The following FGF7 variants were observed in gnomAD, a reference collection of about 807,000 sequenced individuals.
The protein encoded by FGF7 is FGF-7.
FGF7 carries 6 observed loss-of-function variants against 20.5 expected under a neutral mutation model. The ratio of observed to expected loss-of-function variants is 0.29; its 90% CI spans 0.16 to 0.58. FGF7 has a LOEUF of 0.58. FGF7 is among the 20% of genes least tolerant of loss of function. The pLI is 0.90. For missense variants in FGF7, 144 were observed against 228.8 expected, an observed-to-expected ratio of 0.63 and a Z score of 2.39; for synonymous variants, 64 against 74.7, an observed-to-expected ratio of 0.86 and a Z score of 0.74.
rs2056345115 is a variant in FGF7, at chr15:49,485,637, A to T, written c.*1133A>T. On this transcript the variant is annotated 3_prime_UTR_variant, in exon 4 of 4. Coordinates refer to ENST00000267843, the MANE Select transcript of FGF7 (RefSeq NM_002009.4). ...AAATCCTGGAAGGCAGACAAAAATAAGAGCCTGAAGCAATGCTTACAATAG... is the reference window on the plus strand; with the variant it reads ...AAATCCTGGAAGGCAGACAAAAATATGAGCCTGAAGCAATGCTTACAATAG... 1 of 152,510 alleles carries T rather than the reference A, an allele frequency of 6.6e-6. No individual in the cohort carries two copies. The highest frequency in any genetic ancestry group is 2.4e-5 in the African/African-American group (1 of 41,436). The allele number at this position is 152,510 out of a possible 1,614,324, so 9.4% of individuals were successfully genotyped here. A position where few individuals can be genotyped will look rare whatever the true frequency, so the allele number is the denominator to read the frequency against.
chr15:49,462,914 A>G (rs1184800449), intron 2 of FGF7, among the ~76,000 whole-genome samples: 2 of 152,226 alleles, frequency 1.3e-5, no homozygotes, highest in Non-Finnish European at 2.9e-5. Flanking sequence ...CACTTTATAC[A>G]TTCAATTTTG....
At chr15:49,476,917 G>A (rs1410368516) in intron 2 of FGF7, among the ~76,000 whole-genome samples, 14 of 151,874 alleles carry the variant, frequency 9.2e-5, no homozygotes, top group East Asian at 1.9e-4. Context: ...AAAATTAGCC[G>A]GGCGTGGTGG....
At chr15:49,454,198 A>G (rs906046205) in intron 2 of FGF7, among the ~76,000 whole-genome samples, 4 of 152,200 alleles carry the variant, frequency 2.6e-5, no homozygotes, top group African/African-American at 9.6e-5. Flanking sequence ...GCATTTTATC[A>G]TCAGAAATAC....
In FGF7 at chr15:49,485,333, T is replaced by G. The variant is rs1328022014; in HGVS notation, c.*829T>G. 6.6e-6 allele frequency: 1 copy of G among 152,464 alleles called. No homozygotes were observed. Among genetic ancestry groups the G allele is most frequent in the Non-Finnish European group, 1.5e-5 (1 of 67,964 alleles). 9.4% of individuals were successfully genotyped at this position (152,464 alleles called of 1,614,324 possible). On this transcript the variant is annotated 3_prime_UTR_variant, in exon 4 of 4. Transcript: ENST00000267843. ...TCAAGTAACATAATCTATCTTTGTATAATTCATATTTGGGAATATGGCTTT... is the reference window on the plus strand; with the variant it reads ...TCAAGTAACATAATCTATCTTTGTAGAATTCATATTTGGGAATATGGCTTT...
chr15:49,452,142 A>G (rs1180421346), intron 2 of FGF7, among the ~76,000 whole-genome samples: 2 of 152,086 alleles, frequency 1.3e-5, no homozygotes, highest in Non-Finnish European at 2.9e-5. Context: ...TCTAGGTTCA[A>G]GCAATTCTCC....
intron 2 of FGF7, among the ~76,000 whole-genome samples, chr15:49,453,348 C>T (rs1436960935): frequency 6.6e-6 from 1 of 152,088 alleles, no homozygotes; most frequent in East Asian, 1.9e-4. Flanking sequence ...AAGCCATTTG[C>T]TCACCTCCGC....
chr15:49,439,909 A>G (rs1047720883), intron 2 of FGF7, among the ~76,000 whole-genome samples: 4 of 151,792 alleles, frequency 2.6e-5, no homozygotes, highest in African/African-American at 4.8e-5. Context: ...AGATTTTGAC[A>G]TGAAGTTTGC....
At chr15:49,446,025 G>A (rs1404303129) in intron 2 of FGF7, among the ~76,000 whole-genome samples, 1 of 151,308 alleles carries the variant, frequency 6.6e-6, no homozygotes, top group Non-Finnish European at 1.5e-5. Flanking sequence ...TATTTACAAT[G>A]TTAGTTTTCT....
intron 2 of FGF7, among the ~76,000 whole-genome samples, chr15:49,456,745 G>A (rs1433813639): frequency 3.3e-5 from 5 of 152,040 alleles, no homozygotes; most frequent in African/African-American, 9.7e-5. Flanking sequence ...AGGAACTTGA[G>A]TCTCACTTTG....
chr15:49,455,498 G>A (rs1346270141), intron 2 of FGF7, among the ~76,000 whole-genome samples: 1 of 152,012 alleles, frequency 6.6e-6, no homozygotes, highest in African/African-American at 2.4e-5. Flanking sequence ...GATACCATAC[G>A]GGTGCTCAAT....
chr15:49,452,123 C>CCT (rs1374178097), intron 2 of FGF7, among the ~76,000 whole-genome samples: 1 of 151,934 alleles, frequency 6.6e-6, no homozygotes, highest in African/African-American at 2.4e-5. Context: ...CTCACTGCAG[C>CCT]CTCTGCCTTC....
intron 2 of FGF7, among the ~76,000 whole-genome samples, chr15:49,458,686 A>G (rs2053532848): frequency 6.6e-6 from 1 of 152,120 alleles, no homozygotes; most frequent in Non-Finnish European, 1.5e-5. Context: ...ACAAAACTCA[A>G]AATCAACTTC....
At chr15:49,466,963 A>G (rs1033691286) in intron 2 of FGF7, among the ~76,000 whole-genome samples, 1 of 152,202 alleles carries the variant, frequency 6.6e-6, no homozygotes, top group African/African-American at 2.4e-5. Context: ...GCCAATGACC[A>G]AAATGACTTT....
At chr15:49,450,089 C>G (rs998919271) in intron 2 of FGF7, among the ~76,000 whole-genome samples, 1 of 151,976 alleles carries the variant, frequency 6.6e-6, no homozygotes, top group Non-Finnish European at 1.5e-5. Flanking sequence ...TGAGAAGAAA[C>G]AAATTAAAAC....
intron 2 of FGF7, among the ~76,000 whole-genome samples, chr15:49,442,206 T>C (rs2051721206): frequency 6.6e-6 from 1 of 151,722 alleles, no homozygotes; most frequent in Non-Finnish European, 1.5e-5. Flanking sequence ...AAGATTCTAT[T>C]CTAGCCAGCC....
intron 2 of FGF7, among the ~76,000 whole-genome samples, chr15:49,468,534 T>A (rs1178762173): frequency 6.6e-6 from 1 of 152,150 alleles, no homozygotes; most frequent in Non-Finnish European, 1.5e-5. Flanking sequence ...AAGATTAGTA[T>A]TATCAACCAT....
chr15:49,457,072 A>G (rs955190545), intron 2 of FGF7, among the ~76,000 whole-genome samples: 1 of 151,858 alleles, frequency 6.6e-6, no homozygotes, highest in Non-Finnish European at 1.5e-5. Flanking sequence ...CTACACCACC[A>G]TGCCTGTCAA....
chr15:49,424,551 T>G lies in FGF7; in HGVS notation c.254T>G (p.Val85Gly). 1 of 1,603,004 alleles carries G rather than the reference T, an allele frequency of 6.2e-7. No individual in the cohort carries two copies. The highest frequency in any genetic ancestry group is 8.5e-7 in the Non-Finnish European group (1 of 1,173,294). ...WYLRIDKRGK[V>G]KGTQEMKNNY... The stretch of plus-strand genomic sequence containing the variant: ...CTGAGGATCGATAAAAGAGGCAAAG[T>G]AAAAGGGACCCAAGAGATGAAGAAT... Residue 85 changes from valine (V) to glycine (G), a missense_variant, in exon 2 of 4, where the codon GTA (valine) becomes GGA (glycine). Transcript: ENST00000267843.
intron 2 of FGF7, among the ~76,000 whole-genome samples, chr15:49,458,670 C>T (rs960815863): frequency 2.0e-5 from 3 of 152,104 alleles, no homozygotes; most frequent in Admixed American, 1.3e-4. Context: ...TCTAATACTT[C>T]AGAAAACAAA....
Sources: gnomAD v4.1 joint callset for allele counts (sites outside exome capture counted in the v4.1 genomes callset) on GRCh38, gnomAD v4.1.1 for gene constraint, MANE v1.5 for transcripts, NCBI Gene and HGNC (gene_info 2026-07-23, HGNC 2026-07-21) for gene names.